PTGER4: variants seen among roughly 807,000 people sequenced by gnomAD.
PTGER4 encodes prostaglandin E2 receptor EP4 subtype.
A neutral mutation model predicts 33.2 loss-of-function variants in PTGER4; 11 were observed. The ratio of observed to expected loss-of-function variants is 0.33; its 90% CI spans 0.21 to 0.55. PTGER4 has a LOEUF of 0.55. Ranked by LOEUF, PTGER4 falls within the 20% of genes least tolerant of loss-of-function variation. The pLI is 0.92. For missense variants in PTGER4, 481 were observed against 650.2 expected (o/e 0.74, Z 2.83); for synonymous variants, 275 against 281.5 (o/e 0.98, Z 0.23).
chr5:40,726,226 A>ATC, the PTGER4 span, among the ~76,000 whole-genome samples: 1 of 151,004 alleles, frequency 6.6e-6, no homozygotes, highest in East Asian at 1.9e-4. Flanking sequence ...ATATATATAT[A>ATC]TCTCCTATAA....
At chr5:40,721,790 T>C in the PTGER4 span, among the ~76,000 whole-genome samples, 36 of 152,024 alleles carry the variant, frequency 2.4e-4, no homozygotes, top group Non-Finnish European at 4.1e-4. Context: ...AAATCAAAAA[T>C]AGGCAAGTGA....
the PTGER4 span, among the ~76,000 whole-genome samples, chr5:40,707,451 T>C: frequency 3.9e-5 from 6 of 151,988 alleles, no homozygotes; most frequent in Non-Finnish European, 8.8e-5. Flanking sequence ...TACATAATGG[T>C]AAAGAGAGAA....
the PTGER4 span, among the ~76,000 whole-genome samples, chr5:40,713,330 A>G: frequency 4.6e-5 from 7 of 152,284 alleles, no homozygotes; most frequent in African/African-American, 1.4e-4. Context: ...CTTTTGAATC[A>G]TTATGTAATT....
chr5:40,727,459 C>A, the PTGER4 span, among the ~76,000 whole-genome samples: 68 of 152,348 alleles, frequency 4.5e-4, no homozygotes, highest in African/African-American at 1.6e-3. Flanking sequence ...CTGCTACTAA[C>A]AAGGTATAGT....
intron 2 of PTGER4, among the ~76,000 whole-genome samples, chr5:40,684,023 C>T (rs56277923): frequency 0.14 from 20,621 of 151,806 alleles, 1,836 homozygotes; most frequent in Non-Finnish European, 0.19. Flanking sequence ...ATAGCAGTGG[C>T]ATCAGTTTGT....
At chr5:40,744,224 A>C in the PTGER4 span, among the ~76,000 whole-genome samples, 95 of 152,356 alleles carry the variant, frequency 6.2e-4, no homozygotes, top group Middle Eastern at 6.8e-3. Flanking sequence ...TATGCCTAAA[A>C]TACCACAAAT....
the PTGER4 span, among the ~76,000 whole-genome samples, chr5:40,729,330 G>A: frequency 6.6e-6 from 1 of 152,148 alleles, no homozygotes; most frequent in Non-Finnish European, 1.5e-5. Flanking sequence ...TATTTGTTAG[G>A]TGTGCAGATT....
chr5:40,693,815 A>G (rs1220120343), downstream of PTGER4: 2 of 710,410 alleles, frequency 2.8e-6, no homozygotes, highest in Non-Finnish European at 3.5e-6. Flanking sequence ...ATCCTTTTAT[A>G]TATTTTTTTA....
Position 40,692,971 on chromosome 5 carries a change from C to T in PTGER4, c.*593C>T, listed in dbSNP as rs1430438471. The T allele has an allele frequency of 2.2e-5, 21 of 948,468 alleles. No homozygotes were observed. Among genetic ancestry groups the T allele is most frequent in the East Asian group, 2.3e-4 (2 of 8,562 alleles). 58.8% of individuals were successfully genotyped at this position (948,468 alleles called of 1,614,324 possible). A position where few individuals can be genotyped will look rare whatever the true frequency, so the allele number is the denominator to read the frequency against. On this transcript the variant is annotated 3_prime_UTR_variant, in exon 3 of 3. Coordinates refer to ENST00000302472, the MANE Select transcript of PTGER4 (RefSeq NM_000958.3). ...GTTAGATATTTTTCATAAACAAGTTCGAGTCAAAGTTGAAAATTCATAGTA... is the reference window on the plus strand; with the variant it reads ...GTTAGATATTTTTCATAAACAAGTTTGAGTCAAAGTTGAAAATTCATAGTA...
At chr5:40,729,890 G>A in the PTGER4 span, among the ~76,000 whole-genome samples, 1 of 152,134 alleles carries the variant, frequency 6.6e-6, no homozygotes, top group African/African-American at 2.4e-5. Context: ...GTAGAGGCAA[G>A]GTTTCACCAT....
In PTGER4 at chr5:40,691,205, C is replaced by T. The variant is rs1368576753; in HGVS notation, c.868-574C>T. ...CTGGCTAATTTTTGTTTTTTTGAGACGGAGTCTCGCTCTGTCGCCAGGCTG... is the reference window on the plus strand; with the variant it reads ...CTGGCTAATTTTTGTTTTTTTGAGATGGAGTCTCGCTCTGTCGCCAGGCTG... On this transcript the variant is annotated intron_variant, in intron 2 of 2. Transcript: ENST00000302472. This position sits in a 1 kb window ranked among gnomAD's most constrained non-coding sequence, Gnocchi z 4.2. Among the ~76,000 whole-genome samples, 5 of 151,160 alleles carry T rather than the reference C, an allele frequency of 3.3e-5. No individual in the cohort carries two copies. In the East Asian group the frequency reaches 5.9e-4, roughly 18 times the overall value.
At position 40,683,785 on chromosome 5, in the gene PTGER4, C is replaced by G. The variant is rs955785317; in HGVS notation, c.867+1925C>G. Among the ~76,000 whole-genome samples, 1 of 152,062 alleles carries G rather than the reference C, an allele frequency of 6.6e-6. No individual in the cohort carries two copies. The highest frequency in any genetic ancestry group is 1.5e-5 in the Non-Finnish European group (1 of 68,006). Reference sequence around the variant, plus strand: ...TAAGATTCAGGGCCCTTACACAAAGCCTTGAAATTATTTGAGGACCTAGAG... The same window carrying G: ...TAAGATTCAGGGCCCTTACACAAAGGCTTGAAATTATTTGAGGACCTAGAG... On this transcript the variant is annotated intron_variant, in intron 2 of 2. Transcript: ENST00000302472. This position sits in a 1 kb window ranked among gnomAD's most constrained non-coding sequence, Gnocchi z 4.2.
At chr5:40,707,738 GCACCA>G in the PTGER4 span, among the ~76,000 whole-genome samples, 2 of 152,118 alleles carry the variant, frequency 1.3e-5, no homozygotes, top group African/African-American at 4.8e-5. Flanking sequence ...ATTATTCTCA[GCACCA>G]CACCACACCT....
chr5:40,697,323 C>T (rs939622803), downstream of PTGER4, among the ~76,000 whole-genome samples: 20 of 151,740 alleles, frequency 1.3e-4, no homozygotes, highest in Non-Finnish European at 8.8e-5. Flanking sequence ...CAGTGGCTCA[C>T]GCCTGTAATC....
rs1741468918 is a variant in PTGER4, at chr5:40,691,450, G to A, written c.868-329G>A. On this transcript the variant is annotated intron_variant, in intron 2 of 2. Transcript: ENST00000302472. The surrounding 1 kb of genome is among the most constrained non-coding windows in gnomAD (Gnocchi z 4.2). The stretch of plus-strand genomic sequence containing the variant: ...CTACCTCGGCCTACCAAAATGCTGG[G>A]ATTACAGGCGTGAGCCACCGCACCC... Among the ~76,000 whole-genome samples the A allele has an allele frequency of 6.6e-6, 1 of 152,230 alleles. No individual in the cohort carries two copies. Among genetic ancestry groups the A allele is most frequent in the South Asian group, 2.1e-4 (1 of 4,834 alleles).
At chr5:40,725,910 C>A in the PTGER4 span, among the ~76,000 whole-genome samples, 2 of 151,496 alleles carry the variant, frequency 1.3e-5, no homozygotes, top group African/African-American at 4.9e-5. Context: ...CTCAGCCTCC[C>A]GAGCAGCTGG....
the PTGER4 span, among the ~76,000 whole-genome samples, chr5:40,724,014 G>T: frequency 6.6e-6 from 1 of 152,146 alleles, no homozygotes; most frequent in Non-Finnish European, 1.5e-5. Context: ...ATGTAATAAA[G>T]CTATCTCATT....
At chr5:40,701,585 A>G in the PTGER4 span, among the ~76,000 whole-genome samples, 1 of 152,318 alleles carries the variant, frequency 6.6e-6, no homozygotes, top group African/African-American at 2.4e-5. Flanking sequence ...AAGGGGGAGA[A>G]AGCAAACAAA....
At chr5:40,689,750 C>A (rs1434358419) in intron 2 of PTGER4, among the ~76,000 whole-genome samples, 2 of 152,130 alleles carry the variant, frequency 1.3e-5, no homozygotes, top group Non-Finnish European at 2.9e-5. Context: ...ATGGCTCCAG[C>A]TATGCTTTTG....
Sources: allele counts gnomAD v4.1 joint callset (sites outside exome capture counted in the v4.1 genomes callset), GRCh38; gene constraint gnomAD v4.1.1; non-coding constraint Gnocchi (gnomAD v3.1); transcripts MANE v1.5; gene names NCBI Gene and HGNC (gene_info 2026-07-23, HGNC 2026-07-21).